TNR: variants seen among roughly 807,000 people sequenced by gnomAD.
The protein encoded by TNR is tenascin-R.
Under a neutral mutation model 150.4 loss-of-function variants are expected in TNR, and 45 were observed. The observed-to-expected ratio is 0.30, with a 90% confidence interval of 0.24 to 0.38. The LOEUF (loss-of-function observed/expected upper bound fraction) is 0.38. Among genes scored for constraint, TNR ranks in the 10% least tolerant of loss-of-function variants. TNR has a pLI of 1.00. For missense variants in TNR, 1,544 were observed against 1,759.1 expected (o/e 0.88, Z 2.19); for synonymous variants, 687 against 678.4 (o/e 1.01, Z -0.20).
At chr1:175,505,281 C>CT in intron 2 of TNR, among the ~76,000 whole-genome samples, 1 of 152,388 alleles carries the variant, frequency 6.6e-6, no homozygotes, top group Middle Eastern at 3.4e-3. Flanking sequence ...CTGCAGAACT[C>CT]TTTCCCACTG....
chr1:175,489,155 C>G (rs991955149), intron 2 of TNR, among the ~76,000 whole-genome samples: 1 of 152,140 alleles, frequency 6.6e-6, no homozygotes, highest in Admixed American at 6.5e-5. Flanking sequence ...GCAAACGAAG[C>G]CTCCCTCCAA....
At chr1:175,347,025 T>C (rs1650824717) in intron 18 of TNR, among the ~76,000 whole-genome samples, 1 of 152,072 alleles carries the variant, frequency 6.6e-6, no homozygotes, top group Non-Finnish European at 1.5e-5. Context: ...GAAAAAAATA[T>C]ACAGGTCAGT....
chr1:175,652,893 GC>G (rs1665043044), intron 1 of TNR, among the ~76,000 whole-genome samples: 1 of 152,196 alleles, frequency 6.6e-6, no homozygotes, highest in African/African-American at 2.4e-5. Flanking sequence ...AAAATTCACA[GC>G]AAGGGAAAGC....
intron 1 of TNR, among the ~76,000 whole-genome samples, chr1:175,545,171 G>A (rs1166986035): frequency 6.6e-6 from 1 of 152,180 alleles, no homozygotes; most frequent in Non-Finnish European, 1.5e-5. Context: ...AAAGAATAAT[G>A]CCTCAGAAAA....
rs1014559044 is a variant in TNR, at chr1:175,315,435, C to G, written c.*7922G>C. On this transcript the variant is annotated 3_prime_UTR_variant, in exon 23 of 23. Transcript: ENST00000367674. Reference sequence around the variant, plus strand: ...TGCATCGTCTGAGGAGTATGTACTCCATTTTCTTTTTTTTTTCTTCCTTCC... The same window carrying G: ...TGCATCGTCTGAGGAGTATGTACTCGATTTTCTTTTTTTTTTCTTCCTTCC... The G allele has an allele frequency of 8.5e-5, 13 of 152,052 alleles. No individual in the cohort carries two copies. Among genetic ancestry groups the G allele is most frequent in the African/African-American group, 3.1e-4 (13 of 41,468 alleles). The allele number at this position is 152,052 out of a possible 1,614,324, so 9.4% of individuals were successfully genotyped here. A position where few individuals can be genotyped will look rare whatever the true frequency, so the allele number is the denominator to read the frequency against.
At chr1:175,445,225 G>A (rs544066395) in intron 2 of TNR, among the ~76,000 whole-genome samples, 290 of 152,166 alleles carry the variant, frequency 1.9e-3, no homozygotes, top group Non-Finnish European at 2.7e-3. Flanking sequence ...AGCCAAGATC[G>A]CACCACTTCA....
chr1:175,528,904 G>T (rs1247636624), intron 1 of TNR, among the ~76,000 whole-genome samples: 1 of 152,192 alleles, frequency 6.6e-6, no homozygotes, highest in African/African-American at 2.4e-5. Flanking sequence ...CTTTCTCACT[G>T]CTTTAGTTCC....
chr1:175,319,280 A>G lies in TNR; in HGVS notation c.*4077T>C, dbSNP rs1489896151. 1 of 152,244 alleles carries G rather than the reference A, an allele frequency of 6.6e-6. No individual in the cohort carries two copies. The highest frequency in any genetic ancestry group is 1.5e-5 in the Non-Finnish European group (1 of 68,034). 9.4% of individuals were successfully genotyped at this position (152,244 alleles called of 1,614,324 possible). A position where few individuals can be genotyped will look rare whatever the true frequency, so the allele number is the denominator to read the frequency against. On this transcript the variant is annotated 3_prime_UTR_variant, in exon 23 of 23. Coordinates refer to ENST00000367674, the MANE Select transcript of TNR (RefSeq NM_003285.3). ...TATTTCAACACCCATAGCTTGGTGT[A>G]TCTAGTGTTCTTGCATGTTCTGTCT...
intron 1 of TNR, among the ~76,000 whole-genome samples, chr1:175,579,230 T>G (rs1279675058): frequency 6.6e-6 from 1 of 151,314 alleles, no homozygotes; most frequent in Non-Finnish European, 1.5e-5. Context: ...CCTTCTTGCC[T>G]GCCTACCTGC....
intron 20 of TNR, among the ~76,000 whole-genome samples, chr1:175,333,805 G>A (rs955049553): frequency 9.9e-5 from 15 of 152,206 alleles, no homozygotes; most frequent in Non-Finnish European, 1.6e-4. Flanking sequence ...GAAAACTGGT[G>A]AGGACTGGCT....
At chr1:175,569,124 T>C (rs1416480147) in intron 1 of TNR, among the ~76,000 whole-genome samples, 2 of 152,174 alleles carry the variant, frequency 1.3e-5, no homozygotes, top group East Asian at 1.9e-4. Context: ...CTCTAGGAGA[T>C]GGCAAAACGC....
chr1:175,425,521 T>C (rs1654931342), intron 2 of TNR, among the ~76,000 whole-genome samples: 1 of 152,204 alleles, frequency 6.6e-6, no homozygotes, highest in South Asian at 2.1e-4. Context: ...AAGTGTATGA[T>C]ATGACTCTCC....
chr1:175,422,727 C>A lies in TNR; in HGVS notation c.-63-15950G>T, dbSNP rs188398732. On this transcript the variant is annotated intron_variant, in intron 2 of 22. Coordinates refer to ENST00000367674, the MANE Select transcript of TNR (RefSeq NM_003285.3). ...TTGTTTCTTATTATTGACCTTGGTACCTGTCAGACCATCCACACTCCCCAA... is the reference window on the plus strand; with the variant it reads ...TTGTTTCTTATTATTGACCTTGGTAACTGTCAGACCATCCACACTCCCCAA... 1.1e-3 allele frequency among the ~76,000 whole-genome samples: 160 copies of A among 152,338 alleles called. 2 individuals are homozygous for A. Among genetic ancestry groups the A allele is most frequent in the Admixed American group, 8.2e-3 (126 of 15,302 alleles).
chr1:175,572,054 C>T lies in TNR; in HGVS notation c.-164-43685G>A, dbSNP rs539206065. Among the ~76,000 whole-genome samples the T allele has an allele frequency of 5.2e-4, 79 of 152,246 alleles. 1 individual carries two copies. The highest frequency in any genetic ancestry group is 1.9e-3 in the African/African-American group (77 of 41,550). On this transcript the variant is annotated intron_variant, in intron 1 of 22. Transcript: ENST00000367674. ...TGCAGTCTCATGAGAAGCACCCTCA[C>T]CCTCAGCAGTCTGTGCTGTCTGAGC...
At chr1:175,642,539 G>A (rs1194556857) in intron 1 of TNR, among the ~76,000 whole-genome samples, 1 of 152,216 alleles carries the variant, frequency 6.6e-6, no homozygotes, top group Non-Finnish European at 1.5e-5. Flanking sequence ...CAGTGCAGTA[G>A]AGGAAGGGCT....
At chr1:175,678,661 A>G (rs924322772) in intron 1 of TNR, among the ~76,000 whole-genome samples, 1 of 152,208 alleles carries the variant, frequency 6.6e-6, no homozygotes, top group Non-Finnish European at 1.5e-5. Flanking sequence ...CATTGACCAA[A>G]GAGAGATCTC....
At chr1:175,394,473 T>G (rs1557905128) in intron 5 of TNR, among the ~76,000 whole-genome samples, 1 of 152,206 alleles carries the variant, frequency 6.6e-6, no homozygotes. Flanking sequence ...AAGTCTAGGA[T>G]GGTCTGAATT....
chr1:175,368,998 C>A (rs906647941), intron 9 of TNR, among the ~76,000 whole-genome samples: 1 of 151,984 alleles, frequency 6.6e-6, no homozygotes, highest in East Asian at 1.9e-4. Flanking sequence ...ACAAAAAAAC[C>A]CAACAAAATC....
intron 1 of TNR, among the ~76,000 whole-genome samples, chr1:175,695,734 C>T (rs1295941810): frequency 6.6e-6 from 1 of 152,162 alleles, no homozygotes; most frequent in African/African-American, 2.4e-5. Flanking sequence ...TGACCCCATT[C>T]CAGTAATATG....
Sources: allele counts gnomAD v4.1 joint callset (sites outside exome capture counted in the v4.1 genomes callset), GRCh38; gene constraint gnomAD v4.1.1; transcripts MANE v1.5; gene names NCBI Gene and HGNC (gene_info 2026-07-23, HGNC 2026-07-21).